Variants in MNAT1 observed in about 807,000 individuals in gnomAD.
MNAT1 encodes MNAT1 component of CDK activating kinase, also known as CDK-activating kinase assembly factor MAT1.
MNAT1 carries 43 observed loss-of-function variants against 42.0 expected under a neutral mutation model. The observed-to-expected ratio is 1.02, with a 90% CI of 0.80 to 1.32. The LOEUF is 1.32. MNAT1 is among the 40% of genes most tolerant of loss of function. MNAT1 has a pLI of 0.00. For missense variants in MNAT1, 306 were observed against 350.4 expected (o/e 0.87, Z 1.01); for synonymous variants, 118 against 120.0 (o/e 0.98, Z 0.11).
chr14:60,926,337 G>A (rs1013141280), intron 7 of MNAT1, among the ~76,000 whole-genome samples: 11 of 152,148 alleles, frequency 7.2e-5, no homozygotes, highest in Non-Finnish European at 1.6e-4. Context: ...TTCTGACACT[G>A]TCTATCTGAA....
intron 1 of MNAT1, among the ~76,000 whole-genome samples, chr14:60,764,030 A>G (rs1044821723): frequency 1.3e-5 from 2 of 152,174 alleles, no homozygotes; most frequent in African/African-American, 4.8e-5. Flanking sequence ...GACAGTTTGT[A>G]ATTCTTGAGT....
intron 7 of MNAT1, among the ~76,000 whole-genome samples, chr14:60,938,868 TC>T (rs2036070293): frequency 6.6e-6 from 1 of 152,178 alleles, no homozygotes; most frequent in South Asian, 2.1e-4. Flanking sequence ...GTCCTGGACT[TC>T]TTTTTGTTGG....
chr14:60,844,365 G>A (rs1196306088), intron 6 of MNAT1, among the ~76,000 whole-genome samples: 1 of 151,996 alleles, frequency 6.6e-6, no homozygotes, highest in East Asian at 1.9e-4. Context: ...TACATGGTAT[G>A]CTTCATTTAT....
At chr14:60,909,302 T>C (rs1386557500) in intron 7 of MNAT1, among the ~76,000 whole-genome samples, 1 of 152,230 alleles carries the variant, frequency 6.6e-6, no homozygotes, top group Non-Finnish European at 1.5e-5. Flanking sequence ...TGGTTTCTTT[T>C]GCTGTGCAGA....
chr14:60,837,880 G>A (rs1475851146), intron 6 of MNAT1, among the ~76,000 whole-genome samples: 2 of 152,198 alleles, frequency 1.3e-5, no homozygotes, highest in African/African-American at 4.8e-5. Flanking sequence ...GATTCTGTGG[G>A]TTAACAAAGC....
At chr14:60,735,713 G>T (rs546808059) in intron 1 of MNAT1, among the ~76,000 whole-genome samples, 2 of 152,224 alleles carry the variant, frequency 1.3e-5, no homozygotes, top group Non-Finnish European at 2.9e-5. Context: ...CCCATTTTCA[G>T]GGGAAGGGGG....
At chr14:60,915,384 A>G (rs2035490178) in intron 7 of MNAT1, among the ~76,000 whole-genome samples, 1 of 152,208 alleles carries the variant, frequency 6.6e-6, no homozygotes. Context: ...CATGGTGAAT[A>G]TGAAAATCTT....
intron 6 of MNAT1, among the ~76,000 whole-genome samples, chr14:60,865,911 C>T (rs1037549974): frequency 3.3e-5 from 5 of 152,018 alleles, no homozygotes; most frequent in Non-Finnish European, 4.4e-5. Context: ...ATTGAAATTC[C>T]GTTCACTGGG....
At chr14:60,890,524 C>T (rs777414846) in intron 7 of MNAT1, among the ~76,000 whole-genome samples, 1 of 152,168 alleles carries the variant, frequency 6.6e-6, no homozygotes, top group Non-Finnish European at 1.5e-5. Context: ...TATACACCAT[C>T]TGCAAGCTAA....
At chr14:60,909,359 T>G (rs1345019840) in intron 7 of MNAT1, among the ~76,000 whole-genome samples, 1 of 152,146 alleles carries the variant, frequency 6.6e-6, no homozygotes, top group African/African-American at 2.4e-5. Flanking sequence ...TGGCTTTTGT[T>G]GCCATTTTTT....
intron 6 of MNAT1, among the ~76,000 whole-genome samples, chr14:60,870,914 G>A (rs1029487505): frequency 6.6e-6 from 1 of 152,048 alleles, no homozygotes; most frequent in Non-Finnish European, 1.5e-5. Context: ...CACACTTCTA[G>A]CCCACAGCAA....
Position 60,796,241 on chromosome 14 carries a change from GT to G in MNAT1, c.117del (p.Phe39LeufsTer2), listed in dbSNP as rs771644648. 2 of 1,612,060 alleles carry G rather than the reference GT, an allele frequency of 1.2e-6. No individual in the cohort carries two copies. The highest frequency in any genetic ancestry group is 1.7e-6 in the Non-Finnish European group (2 of 1,179,234). Reference protein sequence around the residue: ...TLCESCVDLLFVRGAGNCPEC... With the variant: ...TLCESCVDLLXVRGAGNCPEC... The stretch of plus-strand genomic sequence containing the variant: ...GCTGTGAAAGTTGTGTAGATTTACT[GT>G]TTGTGAGAGGAGCTGGAAACTGCCC... On this transcript the variant is annotated frameshift_variant, in exon 2 of 8. Coordinates refer to ENST00000261245, the MANE Select transcript of MNAT1 (RefSeq NM_002431.4). LOFTEE classifies it high-confidence loss of function.
intron 7 of MNAT1, among the ~76,000 whole-genome samples, chr14:60,885,839 A>T (rs2034656721): frequency 6.6e-6 from 1 of 152,002 alleles, no homozygotes; most frequent in South Asian, 2.1e-4. Context: ...ACCATTGCCA[A>T]AGTTAACATC....
At position 60,747,191 on chromosome 14, in the gene MNAT1, A is replaced by G. The variant is rs183395089; in HGVS notation, c.89+12240A>G. Among the ~76,000 whole-genome samples, 8 of 151,516 alleles carry G rather than the reference A, an allele frequency of 5.3e-5. No homozygotes were observed. In the East Asian group the frequency reaches 1.2e-3, roughly 22 times the overall value. ...AGTAGAGATGGGGTTTCACCATGTT[A>G]GCCAGGATGGTCTTGATCTCCTGAC... On this transcript the variant is annotated intron_variant, in intron 1 of 7. Transcript: ENST00000261245.
At chr14:60,779,548 G>A (rs2031373517) in intron 1 of MNAT1, among the ~76,000 whole-genome samples, 1 of 152,116 alleles carries the variant, frequency 6.6e-6, no homozygotes, top group African/African-American at 2.4e-5. Context: ...CACCATTTTG[G>A]GAGGCCGAGC....
intron 3 of MNAT1, among the ~76,000 whole-genome samples, chr14:60,803,126 G>T (rs1459083255): frequency 2.0e-5 from 3 of 151,458 alleles, no homozygotes; most frequent in African/African-American, 7.3e-5. Context: ...TAGTAGAAAC[G>T]GGATTTCACC....
intron 1 of MNAT1, among the ~76,000 whole-genome samples, chr14:60,773,553 A>G (rs1297906242): frequency 6.6e-6 from 1 of 152,176 alleles, no homozygotes; most frequent in African/African-American, 2.4e-5. Flanking sequence ...GAAAGCAAAA[A>G]CCACCCTAGA....
At chr14:60,780,657 A>G in intron 1 of MNAT1, 2 of 994,856 alleles carry the variant, frequency 2.0e-6, no homozygotes, top group Middle Eastern at 3.3e-4. Flanking sequence ...AAATCAAGTC[A>G]TCTATAGTTG....
At chr14:60,888,445 T>C (rs958346035) in intron 7 of MNAT1, among the ~76,000 whole-genome samples, 1 of 152,020 alleles carries the variant, frequency 6.6e-6, no homozygotes, top group African/African-American at 2.4e-5. Context: ...ATGGGACATA[T>C]CTCAAAATAA....
Sources: gnomAD v4.1 joint callset for allele counts (sites outside exome capture counted in the v4.1 genomes callset) on GRCh38, gnomAD v4.1.1 for gene constraint, MANE v1.5 for transcripts, NCBI Gene and HGNC (gene_info 2026-07-23, HGNC 2026-07-21) for gene names.